The following TNS3 variants were observed in gnomAD, a reference collection of about 807,000 sequenced individuals.
TNS3 encodes the protein tensin 3, also known as tensin-3.
TNS3 carries 45 observed loss-of-function variants against 140.9 expected under a neutral mutation model. The ratio of observed to expected loss-of-function variants is 0.32; its 90% CI spans 0.25 to 0.41. TNS3 has a LOEUF of 0.41. Among genes scored for constraint, TNS3 ranks in the 10% least tolerant of loss-of-function variants. TNS3 has a pLI of 1.00. For synonymous variants in TNS3, 815 were observed against 788.4 expected (o/e 1.03, Z -0.56); for missense variants, 1,716 against 1,906.7 (o/e 0.90, Z 1.86).
chr7:47,299,007 C>T (rs1786221731), intron 23 of TNS3, among the ~76,000 whole-genome samples: 1 of 152,214 alleles, frequency 6.6e-6, no homozygotes, highest in African/African-American at 2.4e-5. Flanking sequence ...GCAAGGGACC[C>T]AGGGCTGGGT....
intron 16 of TNS3, among the ~76,000 whole-genome samples, chr7:47,386,381 C>T (rs952015982): frequency 1.3e-5 from 2 of 152,232 alleles, no homozygotes; most frequent in African/African-American, 4.8e-5. Context: ...ATGGCTTTCC[C>T]TGCACTTCGC....
intron 27 of TNS3, among the ~76,000 whole-genome samples, chr7:47,287,120 A>T (rs1785462083): frequency 6.6e-6 from 1 of 151,770 alleles, no homozygotes; most frequent in African/African-American, 2.4e-5. Context: ...AAAAAAAAGT[A>T]TACCTACCAT....
chr7:47,412,972 T>G (rs77398123), intron 12 of TNS3, among the ~76,000 whole-genome samples: 1 of 152,188 alleles, frequency 6.6e-6, no homozygotes, highest in Non-Finnish European at 1.5e-5. Context: ...TCTTTTTTTT[T>G]CAGACCGAGT....
intron 1 of TNS3, among the ~76,000 whole-genome samples, chr7:47,555,803 TA>T (rs1236580044): frequency 1.3e-5 from 2 of 152,270 alleles, no homozygotes; most frequent in African/African-American, 4.8e-5. Context: ...ACACTTAATA[TA>T]ACTACAGCTT....
chr7:47,519,816 C>CTTTTTTTTTT (rs34418629), intron 2 of TNS3, among the ~76,000 whole-genome samples: 7 of 74,824 alleles, frequency 9.4e-5, no homozygotes, highest in South Asian at 6.8e-4. Context: ...CCTCACATTT[C>CTTTTTTTTTT]TTTTTTTTTT....
At chr7:47,365,486 G>A (rs927900394) in intron 17 of TNS3, among the ~76,000 whole-genome samples, 3 of 151,464 alleles carry the variant, frequency 2.0e-5, no homozygotes, top group African/African-American at 7.3e-5. Context: ...GAGTTTGGCT[G>A]GGAGCAACGG....
chr7:47,568,391 G>A (rs538818951), intron 1 of TNS3, among the ~76,000 whole-genome samples: 1 of 152,296 alleles, frequency 6.6e-6, no homozygotes, highest in Admixed American at 6.5e-5. Context: ...GCCCTGCCAT[G>A]TCCAAGCTGA....
chr7:47,447,739 C>G (rs1275602546), intron 4 of TNS3, among the ~76,000 whole-genome samples: 1 of 152,152 alleles, frequency 6.6e-6, no homozygotes, highest in East Asian at 1.9e-4. Context: ...CCCTAAAGAC[C>G]CTACCCTAAA....
chr7:47,339,815 G>A (rs936396119), intron 20 of TNS3, among the ~76,000 whole-genome samples: 1 of 151,840 alleles, frequency 6.6e-6, no homozygotes, highest in African/African-American at 2.4e-5. Flanking sequence ...TTCCATCCAT[G>A]AAAACAGTAT....
intron 1 of TNS3, among the ~76,000 whole-genome samples, chr7:47,556,491 A>G (rs1800199104): frequency 6.6e-6 from 1 of 152,126 alleles, no homozygotes; most frequent in Non-Finnish European, 1.5e-5. Context: ...TGGGCATCTG[A>G]AGCTCTGAGG....
intron 8 of TNS3, among the ~76,000 whole-genome samples, chr7:47,431,862 A>G (rs1451646005): frequency 6.6e-6 from 1 of 152,210 alleles, no homozygotes; most frequent in East Asian, 1.9e-4. Context: ...GCCATTTAAG[A>G]CACAAAGAAA....
At chr7:47,328,148 C>G (rs1031507837) in intron 20 of TNS3, among the ~76,000 whole-genome samples, 2 of 152,026 alleles carry the variant, frequency 1.3e-5, no homozygotes, top group Admixed American at 1.3e-4. Context: ...CTCTGTGTTC[C>G]GGCCTGTCCC....
chr7:47,300,267 T>C (rs574099659), intron 23 of TNS3, among the ~76,000 whole-genome samples: 1 of 152,340 alleles, frequency 6.6e-6, no homozygotes, highest in African/African-American at 2.4e-5. Context: ...CACAGGTCTC[T>C]TCTATGTAAA....
At chr7:47,293,855 G>T (rs765576365) in intron 24 of TNS3, 27 bp from the exon 25 acceptor site, 20 of 1,610,808 alleles carry the variant, frequency 1.2e-5, no homozygotes, top group Non-Finnish European at 1.6e-5. Flanking sequence ...AAAGAAAGAA[G>T]AATTTTTTGA....
At chr7:47,439,712 C>T (rs1795367048) in intron 5 of TNS3, 54 bp from the exon 6 acceptor site, 3 of 1,581,168 alleles carry the variant, frequency 1.9e-6, no homozygotes, top group Non-Finnish European at 2.6e-6. Context: ...AGCAGACATT[C>T]ATCCTCTAGG....
intron 4 of TNS3, chr7:47,452,923 G>A (rs964929576): frequency 1.0e-5 from 10 of 985,380 alleles, no homozygotes; most frequent in African/African-American, 1.7e-5. Context: ...GTGGGGAGTT[G>A]GGAACTTACT....
chr7:47,543,423 G>A (rs1220353822), intron 1 of TNS3, among the ~76,000 whole-genome samples: 1 of 152,232 alleles, frequency 6.6e-6, no homozygotes, highest in Non-Finnish European at 1.5e-5. Context: ...TGAAAGACTG[G>A]AGAGGTGGGG....
chr7:47,534,846 G>A (rs111314481), intron 1 of TNS3, among the ~76,000 whole-genome samples: 4 of 152,192 alleles, frequency 2.6e-5, no homozygotes, highest in African/African-American at 9.6e-5. Flanking sequence ...TGTCATTACC[G>A]TAATCACCAC....
chr7:47,385,194 A>T (rs1298612655), intron 16 of TNS3, among the ~76,000 whole-genome samples: 1 of 152,166 alleles, frequency 6.6e-6, no homozygotes, highest in Admixed American at 6.5e-5. Flanking sequence ...GCCTCTGTCA[A>T]TCCAGTCCCT....
Sources: gnomAD v4.1 joint callset for allele counts (sites outside exome capture counted in the v4.1 genomes callset) on GRCh38, gnomAD v4.1.1 for gene constraint, MANE v1.5 for transcripts, NCBI Gene and HGNC (gene_info 2026-07-23, HGNC 2026-07-21) for gene names.